Variants in MAP3K13 observed in about 807,000 individuals in gnomAD.
MAP3K13 encodes the protein mitogen-activated protein kinase kinase kinase 13.
In MAP3K13, 52 loss-of-function variants were observed where a neutral mutation model predicts 104.0. That is an observed-to-expected ratio of 0.50 (90% CI 0.40 to 0.63). MAP3K13 has a LOEUF of 0.63. MAP3K13 is among the 20% of genes least tolerant of loss of function. The pLI is 0.00. For missense variants in MAP3K13, 914 were observed against 1,218.5 expected (o/e 0.75, Z 3.72); for synonymous variants, 394 against 442.2 (o/e 0.89, Z 1.37).
chr3:185,326,715 GA>G (rs1387785610), intron 2 of MAP3K13, among the ~76,000 whole-genome samples: 47 of 144,062 alleles, frequency 3.3e-4, no homozygotes, highest in Middle Eastern at 3.5e-3. Context: ...ACACAGGAAA[GA>G]AAAAAAAAAA....
At chr3:185,368,680 G>C (rs1312060958) in intron 1 of MAP3K13, among the ~76,000 whole-genome samples, 2 of 152,160 alleles carry the variant, frequency 1.3e-5, no homozygotes, top group Middle Eastern at 3.2e-3. Flanking sequence ...TGAACTTTCA[G>C]GTGCGGTGGC....
At position 185,447,996 on chromosome 3, in the gene MAP3K13, C is replaced by T. The variant is rs554007673; in HGVS notation, c.1010+49C>T. 54 of 1,561,098 alleles carry T rather than the reference C, an allele frequency of 3.5e-5. 2 individuals are homozygous for T. The highest frequency in any genetic ancestry group is 1.8e-4 in the African/African-American group (13 of 73,648). ...CAACTAAAAAGCCTTTTCCCACTTTCGCCCTATTAGCACTGTCTTCCTTCA... is the reference window on the plus strand; with the variant it reads ...CAACTAAAAAGCCTTTTCCCACTTTTGCCCTATTAGCACTGTCTTCCTTCA... On this transcript the variant is annotated intron_variant, in intron 5 of 13. Coordinates refer to ENST00000265026, the MANE Select transcript of MAP3K13 (RefSeq NM_004721.5).
chr3:185,374,288 G>A lies in MAP3K13; in HGVS notation c.-86+10920G>A, dbSNP rs9819860. 5.5e-3 allele frequency among the ~76,000 whole-genome samples: 835 copies of A among 152,212 alleles called. 5 individuals carry two copies. Among genetic ancestry groups the A allele is most frequent in the African/African-American group, 0.018 (752 of 41,526 alleles). On this transcript the variant is annotated intron_variant, in intron 1 of 13. Transcript: ENST00000265026. ...AAATAAAACAAAATAGTGGTAAAGT[G>A]TTGGGGTGGCGAAAATTTTTGGGGG...
intron 1 of MAP3K13, among the ~76,000 whole-genome samples, chr3:185,421,126 G>T (rs548779437): frequency 1.3e-5 from 2 of 151,866 alleles, no homozygotes; most frequent in Non-Finnish European, 2.9e-5. Context: ...AGACCTTCCC[G>T]GAGTACTTTC....
intron 2 of MAP3K13, among the ~76,000 whole-genome samples, chr3:185,430,651 T>C (rs1389937355): frequency 2.0e-5 from 3 of 152,216 alleles, no homozygotes; most frequent in Non-Finnish European, 4.4e-5. Flanking sequence ...TCATTAATAT[T>C]CTTCAAAGTA....
intron 3 of MAP3K13, among the ~76,000 whole-genome samples, chr3:185,438,259 G>T (rs1431669566): frequency 4.0e-5 from 6 of 151,704 alleles, no homozygotes; most frequent in Admixed American, 1.3e-4. Context: ...TCATGCTACT[G>T]CCCTCCAGCC....
intron 1 of MAP3K13, among the ~76,000 whole-genome samples, chr3:185,364,401 A>G (rs1723773945): frequency 6.6e-6 from 1 of 152,208 alleles, no homozygotes; most frequent in Admixed American, 6.5e-5. Context: ...CTTCACTTTG[A>G]GCGATTTATA....
chr3:185,303,897 G>C (rs1721192666), intron 2 of MAP3K13, among the ~76,000 whole-genome samples: 1 of 150,216 alleles, frequency 6.7e-6, no homozygotes, highest in Non-Finnish European at 1.5e-5. Context: ...TTGGTTCCTT[G>C]AGGTGCAAAA....
intron 4 of MAP3K13, among the ~76,000 whole-genome samples, chr3:185,447,494 C>CAAAAA (rs1178155454): frequency 2.1e-4 from 6 of 28,420 alleles, no homozygotes; most frequent in East Asian, 1.3e-3. Context: ...AACTCTGTCT[C>CAAAAA]AAAAAAAAAA....
chr3:185,440,445 G>A lies in MAP3K13; in HGVS notation c.659+2815G>A, dbSNP rs114309440. 5.7e-3 allele frequency among the ~76,000 whole-genome samples: 864 copies of A among 152,198 alleles called. 5 individuals are homozygous for A. The highest frequency in any genetic ancestry group is 0.027 in the Middle Eastern group (8 of 294). On this transcript the variant is annotated intron_variant, in intron 3 of 13. Coordinates refer to ENST00000265026, the MANE Select transcript of MAP3K13 (RefSeq NM_004721.5). ...TTAAGCATATTACATTATACCTGCC[G>A]TATTTATTAGTTCTCTGTAATGATA...
At chr3:185,365,416 A>G (rs1723823851) in intron 1 of MAP3K13, among the ~76,000 whole-genome samples, 1 of 152,200 alleles carries the variant, frequency 6.6e-6, no homozygotes, top group South Asian at 2.1e-4. Flanking sequence ...TGTCAAAAGA[A>G]TGGTTCCTAA....
At chr3:185,346,147 T>C (rs1323241949) in intron 2 of MAP3K13, among the ~76,000 whole-genome samples, 1 of 152,212 alleles carries the variant, frequency 6.6e-6, no homozygotes, top group East Asian at 1.9e-4. Context: ...TTTGTATCCT[T>C]TGACCAACAT....
At chr3:185,374,050 G>A (rs924826160) in intron 1 of MAP3K13, among the ~76,000 whole-genome samples, 1 of 152,070 alleles carries the variant, frequency 6.6e-6, no homozygotes, top group Non-Finnish European at 1.5e-5. Flanking sequence ...CCTTCTTAAG[G>A]GTGGGGGAGA....
intron 7 of MAP3K13, among the ~76,000 whole-genome samples, chr3:185,461,809 C>T (rs552047603): frequency 6.6e-5 from 10 of 152,174 alleles, no homozygotes; most frequent in Non-Finnish European, 1.2e-4. Flanking sequence ...GCAATCCTCT[C>T]ACCTCAGCCT....
Position 185,443,454 on chromosome 3 carries a change from T to C in MAP3K13, c.669T>C (p.Cys223=). The C allele has an allele frequency of 1.2e-6, 2 of 1,610,622 alleles. No individual in the cohort carries two copies. Among genetic ancestry groups the C allele is most frequent in the Non-Finnish European group, 1.7e-6 (2 of 1,177,244 alleles). ...TATGTTTTCTTGGAAGGGGTGTTTGTACTCAGGCCCCATGTTATTGTATTA... is the reference window on the plus strand; with the variant it reads ...TATGTTTTCTTGGAAGGGGTGTTTGCACTCAGGCCCCATGTTATTGTATTA... The part of the protein sequence containing the change: ...HPNIIAFKGV[C]TQAPCYCIIM... Residue 223 remains cysteine (C), a synonymous_variant, in exon 4 of 14, where the codon TGT becomes TGC. Coordinates refer to ENST00000265026, the MANE Select transcript of MAP3K13 (RefSeq NM_004721.5).
At chr3:185,390,145 C>T (rs1711956286) in intron 1 of MAP3K13, among the ~76,000 whole-genome samples, 1 of 152,042 alleles carries the variant, frequency 6.6e-6, no homozygotes, top group South Asian at 2.1e-4. Flanking sequence ...CTCAGAGGTC[C>T]CCAGGAGTTC....
At chr3:185,346,527 T>A (rs1332532357) in intron 2 of MAP3K13, among the ~76,000 whole-genome samples, 1 of 152,220 alleles carries the variant, frequency 6.6e-6, no homozygotes, top group Non-Finnish European at 1.5e-5. Flanking sequence ...TATTGAATAG[T>A]TTTATCATAA....
chr3:185,389,868 T>C (rs981537720), intron 1 of MAP3K13, among the ~76,000 whole-genome samples: 7 of 152,154 alleles, frequency 4.6e-5, no homozygotes, highest in African/African-American at 1.7e-4. Flanking sequence ...TTTTCTTTCA[T>C]GAAAAAAGAA....
intron 2 of MAP3K13, among the ~76,000 whole-genome samples, chr3:185,342,691 G>A (rs555889151): frequency 2.0e-5 from 3 of 152,162 alleles, no homozygotes; most frequent in Non-Finnish European, 4.4e-5. Context: ...TCCTGTAAAT[G>A]TAAAGCAAGT....
Sources: allele counts gnomAD v4.1 joint callset (sites outside exome capture counted in the v4.1 genomes callset), GRCh38; gene constraint gnomAD v4.1.1; transcripts MANE v1.5; gene names NCBI Gene and HGNC (gene_info 2026-07-23, HGNC 2026-07-21).